SLC30A6: variants seen among roughly 807,000 people sequenced by gnomAD.
The protein encoded by SLC30A6 is zinc transporter 6.
SLC30A6 carries 55 observed loss-of-function variants against 63.0 expected under a neutral mutation model. That is an observed-to-expected ratio of 0.87 (90% CI 0.70 to 1.09). SLC30A6 has a LOEUF of 1.09. Among genes scored for constraint, SLC30A6 ranks in the 50% least tolerant of loss-of-function variants. The probability of loss-of-function intolerance (pLI) is 0.00; values close to 1 mark genes in which losing one functional copy is unlikely to be tolerated. For synonymous variants in SLC30A6, 224 were observed against 186.1 expected, an observed-to-expected ratio of 1.20 and a Z score of -1.66; for missense variants, 587 against 549.2, an observed-to-expected ratio of 1.07 and a Z score of -0.69.
At chr2:32,217,126 G>T (rs901052606) in intron 13 of SLC30A6, among the ~76,000 whole-genome samples, 14 of 151,392 alleles carry the variant, frequency 9.2e-5, no homozygotes, top group Non-Finnish European at 1.9e-4. Context: ...TTGAACTCCT[G>T]ACCTCAGGTG....
At chr2:32,182,001 A>G (rs1462316106) in intron 4 of SLC30A6, among the ~76,000 whole-genome samples, 1 of 141,622 alleles carries the variant, frequency 7.1e-6, no homozygotes, top group African/African-American at 2.7e-5. Flanking sequence ...TGACATAGTC[A>G]TGGCTCACTG....
At chr2:32,165,966 C>G (rs1392118028) in intron 1 of SLC30A6, 63 bp downstream of exon 1, 1 of 1,612,490 alleles carries the variant, frequency 6.2e-7, no homozygotes, top group South Asian at 1.1e-5. Context: ...TATTTGGTCC[C>G]GAAGCGACCT....
intron 4 of SLC30A6, among the ~76,000 whole-genome samples, chr2:32,182,689 GA>G (rs1356168806): frequency 6.6e-6 from 1 of 152,190 alleles, no homozygotes; most frequent in African/African-American, 2.4e-5. Flanking sequence ...TCCAGGGATA[GA>G]AATACAAATA....
At chr2:32,175,951 C>T (rs865846022) in intron 4 of SLC30A6, among the ~76,000 whole-genome samples, 36 of 152,164 alleles carry the variant, frequency 2.4e-4, no homozygotes, top group African/African-American at 8.4e-4. Context: ...CCAGCCTGGG[C>T]AACGAGCGAA....
intron 5 of SLC30A6, among the ~76,000 whole-genome samples, chr2:32,190,196 C>A (rs1180374452): frequency 2.0e-5 from 3 of 152,096 alleles, no homozygotes; most frequent in African/African-American, 7.2e-5. Flanking sequence ...CGGTGGCTCA[C>A]GCATGTAATC....
intron 10 of SLC30A6, among the ~76,000 whole-genome samples, chr2:32,199,124 G>A (rs1229278905): frequency 1.3e-5 from 2 of 152,130 alleles, no homozygotes; most frequent in African/African-American, 4.8e-5. Flanking sequence ...TTAGCATAAT[G>A]TCCTCAAGGT....
rs1242143096 is a variant in SLC30A6 at position 32,203,004 on chromosome 2, G to A, written c.666-1586G>A. 14 of 1,160,936 alleles carry A rather than the reference G, an allele frequency of 1.2e-5. No individual in the cohort carries two copies. In the Admixed American group the frequency reaches 2.0e-4, roughly 17 times the overall value. 71.9% of individuals were successfully genotyped at this position (1,160,936 alleles called of 1,614,324 possible). A position where few individuals can be genotyped will look rare whatever the true frequency, so the allele number is the denominator to read the frequency against. On this transcript the variant is annotated intron_variant, in intron 10 of 13. Transcript: ENST00000282587. ...TATTTTCTGTGAGACCCAGAGGAGT[G>A]TAACTGAAATAGCCATGAATCCACA...
At chr2:32,197,040 G>T (rs1211236951) in intron 8 of SLC30A6, among the ~76,000 whole-genome samples, 2 of 152,116 alleles carry the variant, frequency 1.3e-5, no homozygotes, top group African/African-American at 4.8e-5. Flanking sequence ...AGCCTGGGCA[G>T]AAAGAGCAAA....
At chr2:32,184,905 T>G (rs538818237) in intron 5 of SLC30A6, among the ~76,000 whole-genome samples, 4 of 152,374 alleles carry the variant, frequency 2.6e-5, no homozygotes, top group African/African-American at 7.2e-5. Context: ...TTTAATATTT[T>G]GGGGATTTAT....
chr2:32,187,121 C>T, intron 5 of SLC30A6: 1 of 469,462 alleles, frequency 2.1e-6, no homozygotes, highest in African/African-American at 2.0e-5. Context: ...CACTAGACCA[C>T]TGAGGACATT....
chr2:32,182,436 A>G (rs1377132985), intron 4 of SLC30A6, among the ~76,000 whole-genome samples: 1 of 152,164 alleles, frequency 6.6e-6, no homozygotes, highest in African/African-American at 2.4e-5. Context: ...AAGTACTCTC[A>G]AGGAGTTAGC....
At chr2:32,209,227 T>A (rs962732543) in intron 12 of SLC30A6, among the ~76,000 whole-genome samples, 1 of 152,146 alleles carries the variant, frequency 6.6e-6, no homozygotes, top group African/African-American at 2.4e-5. Flanking sequence ...AGAAATTGGT[T>A]GGGGTAGGGG....
At chr2:32,207,430 G>A (rs1329173551) in intron 12 of SLC30A6, among the ~76,000 whole-genome samples, 1 of 151,664 alleles carries the variant, frequency 6.6e-6, no homozygotes, top group Non-Finnish European at 1.5e-5. Flanking sequence ...AGGCTGGAGT[G>A]CAATGGTGCC....
Position 32,224,224 on chromosome 2 carries a change from AT to A in SLC30A6, c.*3512del, listed in dbSNP as rs2148926778. ...ATGCCAGGCACTATACTAAGTTAATATGCATTCAGTATACCAGTTGGTGTGA... is the reference window on the plus strand; with the variant it reads ...ATGCCAGGCACTATACTAAGTTAATAGCATTCAGTATACCAGTTGGTGTGA... On this transcript the variant is annotated 3_prime_UTR_variant, in exon 14 of 14. Transcript: ENST00000282587. 2.7e-6 allele frequency: 1 copy of A among 376,202 alleles called. No individual in the cohort carries two copies. The highest frequency in any genetic ancestry group is 4.2e-5 in the East Asian group (1 of 23,910). The allele number at this position is 376,202 out of a possible 1,614,324, so 23.3% of individuals were successfully genotyped here.
At chr2:32,206,975 G>A (rs1032088748) in intron 12 of SLC30A6, 42 bp downstream of exon 12, 1 of 1,486,200 alleles carries the variant, frequency 6.7e-7, no homozygotes, top group Non-Finnish European at 9.4e-7. Flanking sequence ...TTTTATATCA[G>A]GGAATTGAAA....
chr2:32,166,531 C>T (rs377193083), intron 1 of SLC30A6, among the ~76,000 whole-genome samples: 330 of 152,312 alleles, frequency 2.2e-3, no homozygotes, highest in African/African-American at 7.5e-3. Context: ...ATGGTGTTTT[C>T]TCTCAAATTT....
At chr2:32,203,319 T>C (rs1684460846) in intron 10 of SLC30A6, 1 of 920,868 alleles carries the variant, frequency 1.1e-6, no homozygotes, top group Non-Finnish European at 1.8e-6. Flanking sequence ...GAACAAAAAG[T>C]AGGAATTACT....
intron 4 of SLC30A6, among the ~76,000 whole-genome samples, chr2:32,180,817 A>G (rs965317007): frequency 6.6e-6 from 1 of 152,250 alleles, no homozygotes; most frequent in Non-Finnish European, 1.5e-5. Flanking sequence ...GGTAATAAAA[A>G]TAGTCAAATT....
chr2:32,197,259 T>C (rs534847756), intron 8 of SLC30A6, 85 bp from the exon 9 acceptor site: 4 of 1,244,268 alleles, frequency 3.2e-6, no homozygotes, highest in East Asian at 5.1e-5. Flanking sequence ...GCCAAATTTA[T>C]TTTTTAAAAT....
Sources: gnomAD v4.1 joint callset for allele counts (sites outside exome capture counted in the v4.1 genomes callset) on GRCh38, gnomAD v4.1.1 for gene constraint, MANE v1.5 for transcripts, NCBI Gene and HGNC (gene_info 2026-07-23, HGNC 2026-07-21) for gene names.